FERMT2: variants seen among roughly 807,000 people sequenced by gnomAD.
FERMT2 encodes the protein FERM domain containing kindlin 2.
A neutral mutation model predicts 82.7 loss-of-function variants in FERMT2; 15 were observed. That is an observed-to-expected ratio of 0.18 (90% CI 0.12 to 0.28). The LOEUF is 0.28. FERMT2 is among the 10% of genes least tolerant of loss of function. The pLI is 1.00. For synonymous variants in FERMT2, 274 were observed against 271.5 expected (o/e 1.01, Z -0.09); for missense variants, 645 against 809.4 (o/e 0.80, Z 2.46).
chr14:52,893,626 T>C (rs1424030544), intron 3 of FERMT2, among the ~76,000 whole-genome samples, 199 bp from the exon 4 acceptor site: 5 of 152,132 alleles, frequency 3.3e-5, no homozygotes, highest in African/African-American at 7.2e-5. Flanking sequence ...ATATAATAAA[T>C]GTAATGACCT....
At chr14:52,948,962 C>A (rs1890486298) in intron 2 of FERMT2, among the ~76,000 whole-genome samples, 1 of 152,142 alleles carries the variant, frequency 6.6e-6, no homozygotes, top group Non-Finnish European at 1.5e-5. Context: ...TAATCTCATA[C>A]CAGAGCTGGA....
In FERMT2 at chr14:52,950,401, A is replaced by ATGCGGCTGGG; in HGVS notation, c.157+10_157+11insCCCAGCCGCA. The ATGCGGCTGGG allele has an allele frequency of 6.2e-7, 1 of 1,607,452 alleles. No individual in the cohort carries two copies. The highest frequency in any genetic ancestry group is 8.5e-7 in the Non-Finnish European group (1 of 1,176,836). ...AAGTCATTAGTTGGACGCGGCTGGG[A>ATGCGGCTGGG]TGCTACTCACCGAGTTTCTCCACCA... is the stretch of plus-strand genomic sequence containing the variant. On this transcript the variant is annotated intron_variant, in intron 2 of 14. Transcript: ENST00000341590.
intron 2 of FERMT2, 21 bp downstream of exon 2, chr14:52,950,391 C>T: frequency 2.5e-6 from 4 of 1,605,840 alleles, no homozygotes; most frequent in Non-Finnish European, 3.4e-6. Context: ...ATTAGTTGGA[C>T]GCGGCTGGGA....
chr14:52,859,765 T>TTGGACTGC lies in FERMT2; in HGVS notation c.1728-59_1728-52dup, dbSNP rs757237572. 6 of 1,140,974 alleles carry TTGGACTGC rather than the reference T, an allele frequency of 5.3e-6. No individual in the cohort carries two copies. The East Asian group carries it at 1.0e-4, about 19-fold the overall frequency. 70.7% of individuals were successfully genotyped at this position (1,140,974 alleles called of 1,614,324 possible). A position where few individuals can be genotyped will look rare whatever the true frequency, so the allele number is the denominator to read the frequency against. On this transcript the variant is annotated intron_variant, in intron 13 of 14. Transcript: ENST00000341590. The stretch of plus-strand genomic sequence containing the variant: ...TAAAAACATGTTGTGGGGGAACATG[T>TTGGACTGC]TGGACTGCTTTTCTTCAAGATAAGT...
chr14:52,927,493 G>A (rs1358971173), intron 2 of FERMT2, among the ~76,000 whole-genome samples: 4 of 145,476 alleles, frequency 2.7e-5, no homozygotes, highest in African/African-American at 1.0e-4. Flanking sequence ...CCAGGCTCAC[G>A]TCTGTAATCC....
intron 3 of FERMT2, among the ~76,000 whole-genome samples, chr14:52,905,753 G>C (rs992317187): frequency 5.3e-5 from 8 of 152,246 alleles, no homozygotes; most frequent in African/African-American, 1.9e-4. Context: ...AGAAAGGAGG[G>C]AAGAGGGAGC....
At position 52,864,632 on chromosome 14, in the gene FERMT2, A is replaced by C. The variant is rs773950457; in HGVS notation, c.1381-10T>G. The stretch of plus-strand genomic sequence containing the variant: ...GTGCATACTGTTTTTCCTGGAGAAA[A>C]GAAATACTGATGTGTGCAATGTATC... On this transcript the variant is annotated splice_polypyrimidine_tract_variant and intron_variant, in intron 11 of 14. Transcript: ENST00000341590. The C allele has an allele frequency of 1.2e-5, 20 of 1,611,826 alleles. No individual in the cohort carries two copies. The South Asian group carries it at 1.9e-4, about 15-fold the overall frequency.
At chr14:52,902,868 C>CAAAAAAAAAAAAA (rs1252336097) in intron 3 of FERMT2, among the ~76,000 whole-genome samples, 4 of 5,542 alleles carry the variant, frequency 7.2e-4, no homozygotes, top group African/African-American at 1.2e-3. Flanking sequence ...GACTCCGTCT[C>CAAAAAAAAAAAAA]AAAAAAAAAA....
chr14:52,929,028 C>T (rs1889441017), intron 2 of FERMT2, among the ~76,000 whole-genome samples: 1 of 152,122 alleles, frequency 6.6e-6, no homozygotes, highest in Non-Finnish European at 1.5e-5. Context: ...AGCAGCCCAA[C>T]CTTCTACTCA....
chr14:52,921,927 T>C (rs921631721), intron 2 of FERMT2, among the ~76,000 whole-genome samples: 6 of 152,076 alleles, frequency 3.9e-5, no homozygotes, highest in African/African-American at 2.4e-5. Context: ...CTAGTGTCAA[T>C]GTCACCCACT....
Position 52,875,503 on chromosome 14 carries a change from T to C in FERMT2, c.964-146A>G, listed in dbSNP as rs1885897882. 5 of 582,394 alleles carry C rather than the reference T, an allele frequency of 8.6e-6. No homozygotes were observed. The South Asian group carries it at 9.9e-5, about 12-fold the overall frequency. The allele number at this position is 582,394 out of a possible 1,614,324, so 36.1% of individuals were successfully genotyped here. On this transcript the variant is annotated intron_variant, in intron 7 of 14. Transcript: ENST00000341590. ...AGGAACTAGAACGATAGGAAATAAA[T>C]ACCTGAAATCAATATCCTAAACCTG...
Position 52,858,450 on chromosome 14 carries a change from G to A in FERMT2, c.1970C>T (p.Ser657Leu). 1 of 1,614,094 alleles carries A rather than the reference G, an allele frequency of 6.2e-7. No individual in the cohort carries two copies. The highest frequency in any genetic ancestry group is 8.5e-7 in the Non-Finnish European group (1 of 1,179,972). Reference sequence around the variant, plus strand: ...CTCGTTTTGGTCTTTTGCACGTGTTGAGAGAAATATGTAGCCACCAATGAA... The same window carrying A: ...CTCGTTTTGGTCTTTTGCACGTGTTAAGAGAAATATGTAGCCACCAATGAA... ...HEFIGGYIFLSTRAKDQNESL... is the reference protein window; with the variant it reads ...HEFIGGYIFLLTRAKDQNESL... Residue 657 changes from serine (S) to leucine (L), a missense_variant, in exon 15 of 15, where the codon TCA becomes TTA. Coordinates refer to ENST00000341590, the MANE Select transcript of FERMT2 (RefSeq NM_006832.3).
intron 4 of FERMT2, among the ~76,000 whole-genome samples, chr14:52,891,246 A>G (rs556352534): frequency 6.6e-6 from 1 of 152,242 alleles, no homozygotes; most frequent in South Asian, 2.1e-4. Flanking sequence ...GCCTTTTCCC[A>G]TCAAAAACCT....
At chr14:52,939,049 G>A (rs1595021573) in intron 2 of FERMT2, among the ~76,000 whole-genome samples, 1 of 151,774 alleles carries the variant, frequency 6.6e-6, no homozygotes, top group East Asian at 1.9e-4. Flanking sequence ...ATGGTAAAGA[G>A]TATGTCAGAC....
chr14:52,889,198 TGTA>T (rs1429668745), intron 4 of FERMT2, among the ~76,000 whole-genome samples: 1 of 152,200 alleles, frequency 6.6e-6, no homozygotes, highest in Non-Finnish European at 1.5e-5. Flanking sequence ...ATATATTACA[TGTA>T]GTGTTTTGGA....
chr14:52,862,602 A>C (rs1028766477), intron 12 of FERMT2: 2 of 152,508 alleles, frequency 1.3e-5, no homozygotes, highest in African/African-American at 4.8e-5. Context: ...TGGGAGATGG[A>C]GGCTGCAGTG....
chr14:52,929,126 T>C (rs1008744169), intron 2 of FERMT2, among the ~76,000 whole-genome samples: 22 of 152,148 alleles, frequency 1.4e-4, no homozygotes. Flanking sequence ...GTAACCCAAT[T>C]TTTTTTCTTA....
At chr14:52,924,461 A>G (rs1160247408) in intron 2 of FERMT2, among the ~76,000 whole-genome samples, 1 of 152,168 alleles carries the variant, frequency 6.6e-6, no homozygotes, top group East Asian at 1.9e-4. Flanking sequence ...CCTTGGTGAC[A>G]TCTCTCAAAC....
intron 3 of FERMT2, among the ~76,000 whole-genome samples, chr14:52,908,704 G>T (rs1236784418): frequency 6.6e-6 from 1 of 152,178 alleles, no homozygotes; most frequent in Non-Finnish European, 1.5e-5. Context: ...ACATCTTGCT[G>T]GTGGTCCACT....
Sources: allele counts gnomAD v4.1 joint callset (sites outside exome capture counted in the v4.1 genomes callset), GRCh38; gene constraint gnomAD v4.1.1; transcripts MANE v1.5; gene names NCBI Gene and HGNC (gene_info 2026-07-23, HGNC 2026-07-21).